Variants in PICK1 observed in about 807,000 individuals in gnomAD.
PICK1 encodes the protein protein interacting with PRKCA 1.
In PICK1, 23 loss-of-function variants were observed where a neutral mutation model predicts 48.9. The observed-to-expected ratio is 0.47, with a 90% confidence interval of 0.34 to 0.67. PICK1 has a LOEUF of 0.67. Ranked by LOEUF, PICK1 falls within the 30% of genes least tolerant of loss-of-function variation. The pLI is 0.01. For missense variants in PICK1, 423 were observed against 557.1 expected (o/e 0.76, Z 2.42); for synonymous variants, 217 against 228.2 (o/e 0.95, Z 0.44).
In PICK1 at chr22:38,059,321, C is replaced by A; in HGVS notation, c.129C>A (p.Tyr43Ter). 1 of 1,561,570 alleles carries A rather than the reference C, an allele frequency of 6.4e-7. No individual in the cohort carries two copies. Residue 43 changes from tyrosine (Y) to a stop codon, truncating the protein, a stop_gained, in exon 3 of 13, where the codon TAC becomes TAA. Transcript: ENST00000356976. LOFTEE classifies it high-confidence loss of function. ...IGISIGGGAQ[Y>*]CPCLYIVQVF... Reference sequence around the variant, plus strand: ...TCAGCATTGGAGGAGGGGCCCAGTACTGTCCCTGCCTCTATATCGTCCAGG... The same window carrying A: ...TCAGCATTGGAGGAGGGGCCCAGTAATGTCCCTGCCTCTATATCGTCCAGG...
At position 38,075,063 on chromosome 22, in the gene PICK1, G is replaced by A. The variant is rs764550338; in HGVS notation, c.1179G>A (p.Gly393=). The A allele has an allele frequency of 5.0e-6, 8 of 1,613,044 alleles. No homozygotes were observed. Among genetic ancestry groups the A allele is most frequent in the Admixed American group, 1.7e-5 (1 of 60,016 alleles). Residue 393 remains glycine (G), a synonymous_variant, in exon 13 of 13, where the codon GGG becomes GGA. Coordinates refer to ENST00000356976, the MANE Select transcript of PICK1 (RefSeq NM_012407.4). ...AGGAGGAGGAAGACACGGCAGCTGG[G>A]GAGCCGTCCAGGGATACACGAGGGG... ...EEEEEEDTAA[G]EPSRDTRGAA...
intron 2 of PICK1, 42 bp downstream of exon 2, chr22:38,057,892 C>A (rs769449220): frequency 6.6e-7 from 1 of 1,508,710 alleles, no homozygotes; most frequent in Non-Finnish European, 9.2e-7. Flanking sequence ...TATAGGAGCC[C>A]CAAGTTCCTC....
chr22:38,070,071 C>G (rs1448193336), intron 6 of PICK1, among the ~76,000 whole-genome samples: 1 of 152,232 alleles, frequency 6.6e-6, no homozygotes, highest in African/African-American at 2.4e-5. Context: ...CCCAAGACCT[C>G]TGAATTGCTC....
chr22:38,067,051 G>A (rs1164321054), intron 4 of PICK1, among the ~76,000 whole-genome samples: 1 of 152,188 alleles, frequency 6.6e-6, no homozygotes, highest in African/African-American at 2.4e-5. Context: ...GTGGAGGAGG[G>A]AATAATCAGT....
At chr22:38,057,997 C>G in intron 2 of PICK1, 147 bp downstream of exon 2, 1 of 735,306 alleles carries the variant, frequency 1.4e-6, no homozygotes, top group Non-Finnish European at 2.5e-6. Context: ...CTCCCAGGAG[C>G]TCACTATTTG....
intron 3 of PICK1, 93 bp from the exon 4 acceptor site, chr22:38,064,909 T>C (rs921452865): frequency 9.0e-6 from 13 of 1,449,488 alleles, no homozygotes; most frequent in Non-Finnish European, 1.3e-5. Flanking sequence ...GAGGGTAGAG[T>C]GGAAGACAGA....
chr22:38,069,950 A>G (rs2085635383), intron 6 of PICK1, among the ~76,000 whole-genome samples: 1 of 152,100 alleles, frequency 6.6e-6, no homozygotes, highest in Non-Finnish European at 1.5e-5. Flanking sequence ...ATGTCCCATG[A>G]CCCAGCTAAA....
chr22:38,061,029 A>G (rs1601938579), intron 3 of PICK1, among the ~76,000 whole-genome samples: 1 of 151,866 alleles, frequency 6.6e-6, no homozygotes, highest in African/African-American at 2.4e-5. Context: ...GATTACAGGC[A>G]TGAACCACCA....
rs1200825131 is a variant in PICK1 at position 38,059,249 on chromosome 22, G to C, written c.57G>C (p.Val19=). 1 of 1,582,186 alleles carries C rather than the reference G, an allele frequency of 6.3e-7. No individual in the cohort carries two copies. Among genetic ancestry groups the C allele is most frequent in the South Asian group, 1.2e-5 (1 of 86,268 alleles). The part of the protein sequence containing the change: ...IEEDKLGIPT[V]PGKVTLQKDA... ...TCCTTTCTAGCGGAATCCCGACTGTGCCTGGGAAGGTGACCCTGCAGAAGG... is the reference window on the plus strand; with the variant it reads ...TCCTTTCTAGCGGAATCCCGACTGTCCCTGGGAAGGTGACCCTGCAGAAGG... The change falls in exon 3 of 13, where the codon GTG becomes GTC. Residue 19 remains valine (V), a synonymous_variant. Transcript: ENST00000356976.
chr22:38,074,441 C>G lies in PICK1; in HGVS notation c.969C>G (p.Asp323Glu), dbSNP rs754791623. 39 of 1,613,040 alleles carry G rather than the reference C, an allele frequency of 2.4e-5. No individual in the cohort carries two copies. In the Middle Eastern group the frequency reaches 4.9e-4, roughly 20 times the overall value. ...KDVLEKMELLDQKHVQDIVFQ... is the reference protein window; with the variant it reads ...KDVLEKMELLEQKHVQDIVFQ... ...TGCTGGAGAAGATGGAGCTGCTGGACCAGAAGCACGGTGAGCGCCGCCCTC... is the reference window on the plus strand; with the variant it reads ...TGCTGGAGAAGATGGAGCTGCTGGAGCAGAAGCACGGTGAGCGCCGCCCTC... Residue 323 changes from aspartate (D) to glutamate (E), a missense_variant, in exon 12 of 13, where the codon GAC becomes GAG. This residue lies in a region of PICK1 where 144 missense variants were observed against 139.3 expected (regional missense o/e 1.03). Transcript: ENST00000356976. This position sits in a 1 kb window ranked among gnomAD's most constrained non-coding sequence, Gnocchi z 4.5.
chr22:38,059,131 A>G, intron 2 of PICK1, 103 bp from the exon 3 acceptor site: 1 of 802,116 alleles, frequency 1.2e-6, no homozygotes, highest in Non-Finnish European at 2.1e-6. Context: ...GAGGGAGAGA[A>G]AAAGCTGGGC....
Position 38,057,756 on chromosome 22 carries a change from C to T in PICK1, c.-54C>T. On this transcript the variant is annotated 5_prime_UTR_variant, in exon 2 of 13. Coordinates refer to ENST00000356976, the MANE Select transcript of PICK1 (RefSeq NM_012407.4). ...CTCCTTTCTCTCCCGGATCCAGTTCCCCATTCCCCTACCGAGCTGGGCAGT... is the reference window on the plus strand; with the variant it reads ...CTCCTTTCTCTCCCGGATCCAGTTCTCCATTCCCCTACCGAGCTGGGCAGT... The T allele has an allele frequency of 6.5e-7, 1 of 1,538,154 alleles. No homozygotes were observed. Among genetic ancestry groups the T allele is most frequent in the Non-Finnish European group, 9.0e-7 (1 of 1,110,878 alleles).
chr22:38,057,883 A>T, intron 2 of PICK1, 33 bp downstream of exon 2: 1 of 1,566,830 alleles, frequency 6.4e-7, no homozygotes, highest in Non-Finnish European at 8.8e-7. Context: ...TTCCAGCAGT[A>T]TAGGAGCCCC....
At chr22:38,071,012 C>A in intron 7 of PICK1, 121 bp downstream of exon 7, 1 of 784,064 alleles carries the variant, frequency 1.3e-6, no homozygotes, top group Non-Finnish European at 2.3e-6. Flanking sequence ...GGACCATGGG[C>A]ATTAAGAGTT....
chr22:38,065,771 A>G (rs1387690459), intron 4 of PICK1, among the ~76,000 whole-genome samples: 1 of 152,070 alleles, frequency 6.6e-6, no homozygotes, highest in Admixed American at 6.6e-5. Context: ...CCCCTTTGCC[A>G]TTTCCTAGCG....
intron 1 of PICK1, 29 bp from the exon 2 acceptor site, chr22:38,057,724 T>A: frequency 1.6e-6 from 2 of 1,275,424 alleles, no homozygotes; most frequent in Admixed American, 1.7e-5. Flanking sequence ...GTTCCTTAAA[T>A]CCTATGCTCC....
In PICK1 at chr22:38,075,459, G is replaced by A. The variant is rs531903730; in HGVS notation, c.*327G>A. 2.8e-5 allele frequency: 9 copies of A among 319,114 alleles called. No individual in the cohort carries two copies. The highest frequency in any genetic ancestry group is 2.8e-4 in the East Asian group (5 of 17,768). 19.8% of individuals were successfully genotyped at this position (319,114 alleles called of 1,614,324 possible). On this transcript the variant is annotated 3_prime_UTR_variant, in exon 13 of 13. Transcript: ENST00000356976. ...AAGGACTTGGAGGTGGCAGGAGTCC[G>A]AGCCCTGCTCCTTGTGGGCGCTCAC...
chr22:38,071,433 G>C (rs2085688739), intron 7 of PICK1, among the ~76,000 whole-genome samples: 1 of 152,186 alleles, frequency 6.6e-6, no homozygotes, highest in Non-Finnish European at 1.5e-5. Flanking sequence ...ACTGTCCCAG[G>C]GCTAAAGCCC....
Position 38,057,865 on chromosome 22 carries a change from C to G in PICK1, c.41+15C>G. 1 of 1,605,702 alleles carries G rather than the reference C, an allele frequency of 6.2e-7. No homozygotes were observed. Among genetic ancestry groups the G allele is most frequent in the Non-Finnish European group, 8.5e-7 (1 of 1,172,310 alleles). ...GAGGATAAACTGTGAGTATTTTATT[C>G]CCCCAAGTTCCAGCAGTATAGGAGC... On this transcript the variant is annotated intron_variant, in intron 2 of 12. Transcript: ENST00000356976.
Sources: allele counts gnomAD v4.1 joint callset (sites outside exome capture counted in the v4.1 genomes callset), GRCh38; gene constraint gnomAD v4.1.1; regional missense constraint gnomAD v4.1.1; non-coding constraint Gnocchi (gnomAD v3.1); transcripts MANE v1.5; gene names NCBI Gene and HGNC (gene_info 2026-07-23, HGNC 2026-07-21).